ANO4: variants seen among roughly 807,000 people sequenced by gnomAD.
ANO4 encodes anoctamin 4.
ANO4 carries 69 observed loss-of-function variants against 141.9 expected under a neutral mutation model. The ratio of observed to expected loss-of-function variants is 0.49; its 90% confidence interval spans 0.40 to 0.59. The LOEUF (loss-of-function observed/expected upper bound fraction) is 0.59, where lower values mean the gene tolerates loss of function less well. Ranked by LOEUF, ANO4 falls within the 20% of genes least tolerant of loss-of-function variation. The pLI, the probability that ANO4 is intolerant of heterozygous loss-of-function variation, is 0.00. For missense variants in ANO4, 894 were observed against 1,162.2 expected (o/e 0.77, Z 3.36); for synonymous variants, 350 against 394.3 (o/e 0.89, Z 1.33).
At chr12:101,052,957 C>G (rs2047934342) in intron 14 of ANO4, among the ~76,000 whole-genome samples, 1 of 152,194 alleles carries the variant, frequency 6.6e-6, no homozygotes, top group Non-Finnish European at 1.5e-5. Flanking sequence ...AAACTTTAAA[C>G]CAGATCTGGT....
At position 101,099,623 on chromosome 12, in the gene ANO4, T is replaced by C. The variant is rs759730288; in HGVS notation, c.2052T>C (p.His684=). ...WWTRRKVRQE[H]GPERKISFPQ... Reference sequence around the variant, plus strand: ...CTAGAAGAAAAGTACGACAAGAACATGGACCTGAAAGGAAAATAAGTTTCC... The same window carrying C: ...CTAGAAGAAAAGTACGACAAGAACACGGACCTGAAAGGAAAATAAGTTTCC... Residue 684 remains histidine (H), a synonymous_variant, in exon 22 of 28, where the codon CAT becomes CAC. Coordinates refer to ENST00000392977, the MANE Select transcript of ANO4 (RefSeq NM_001286615.2). 6.2e-7 allele frequency: 1 copy of C among 1,611,710 alleles called. No individual in the cohort carries two copies. The highest frequency in any genetic ancestry group is 8.5e-7 in the Non-Finnish European group (1 of 1,179,272).
chr12:101,077,716 GA>G (rs1471255995), intron 14 of ANO4, among the ~76,000 whole-genome samples: 1 of 152,046 alleles, frequency 6.6e-6, no homozygotes, highest in African/African-American at 2.4e-5. Context: ...TTTAATACAT[GA>G]AAAGTCTCAC....
chr12:100,886,915 A>G (rs2039861644), intron 1 of ANO4, among the ~76,000 whole-genome samples: 1 of 152,176 alleles, frequency 6.6e-6, no homozygotes, highest in Non-Finnish European at 1.5e-5. Flanking sequence ...CTTCTGCACA[A>G]CTTTTTTCCT....
intron 17 of ANO4, among the ~76,000 whole-genome samples, chr12:101,087,219 G>A (rs2049541780): frequency 6.6e-6 from 1 of 152,110 alleles, no homozygotes; most frequent in African/African-American, 2.4e-5. Context: ...AAGATAGACA[G>A]TATCCAAAGC....
At chr12:100,938,041 T>TG (rs1312778825) in intron 3 of ANO4, among the ~76,000 whole-genome samples, 13 of 152,190 alleles carry the variant, frequency 8.5e-5, no homozygotes, top group South Asian at 6.2e-4. Context: ...AGATCACCTT[T>TG]GGGGGGGTCA....
intron 2 of ANO4, among the ~76,000 whole-genome samples, chr12:100,921,255 A>G (rs2041618900): frequency 6.6e-6 from 1 of 152,128 alleles, no homozygotes; most frequent in South Asian, 2.1e-4. Context: ...ATATTAAGTT[A>G]CCTTCAGGTG....
chr12:101,102,754 A>G (rs978828760), intron 22 of ANO4, among the ~76,000 whole-genome samples: 5 of 152,146 alleles, frequency 3.3e-5, no homozygotes, highest in Non-Finnish European at 7.4e-5. Flanking sequence ...TCTAATTTCT[A>G]TAAAAATCTT....
intron 1 of ANO4, among the ~76,000 whole-genome samples, chr12:100,873,506 C>T (rs888624373): frequency 6.6e-6 from 1 of 152,136 alleles, no homozygotes; most frequent in African/African-American, 2.4e-5. Flanking sequence ...GTATCATGCC[C>T]CTGCCCTAGA....
intron 9 of ANO4, among the ~76,000 whole-genome samples, chr12:101,020,533 G>T (rs1314471006): frequency 3.3e-5 from 5 of 152,188 alleles, no homozygotes; most frequent in African/African-American, 1.2e-4. Flanking sequence ...GAGATAGGCT[G>T]GTAAAAGGTG....
chr12:100,982,037 T>A (rs1269548723), intron 7 of ANO4, among the ~76,000 whole-genome samples: 1 of 152,150 alleles, frequency 6.6e-6, no homozygotes, highest in African/African-American at 2.4e-5. Context: ...GTACCCGGAA[T>A]CTCACCTATC....
At chr12:100,798,606 A>G (rs759144694) in intron 1 of ANO4, among the ~76,000 whole-genome samples, 8 of 152,240 alleles carry the variant, frequency 5.3e-5, no homozygotes, top group Non-Finnish European at 1.2e-4. Flanking sequence ...TCAGTAGCAT[A>G]ATAATCTATC....
intron 3 of ANO4, among the ~76,000 whole-genome samples, chr12:100,779,019 A>C (rs1279625127): frequency 1.3e-5 from 2 of 152,060 alleles, no homozygotes; most frequent in Admixed American, 6.5e-5. Flanking sequence ...TTTGTTTAAC[A>C]GTGAGCATGT....
intron 2 of ANO4, chr12:100,734,002 C>T (rs371064482): frequency 1.6e-5 from 9 of 571,454 alleles, no homozygotes; most frequent in Middle Eastern, 3.4e-4. Context: ...TGCTTGTGGA[C>T]TCACTTTTCT....
At chr12:100,771,203 G>A (rs536630871) in intron 3 of ANO4, among the ~76,000 whole-genome samples, 1 of 151,472 alleles carries the variant, frequency 6.6e-6, no homozygotes, top group Non-Finnish European at 1.5e-5. Flanking sequence ...AGGGTTTGAT[G>A]GGGGCCATGG....
chr12:100,969,958 G>A (rs900388360), intron 5 of ANO4, among the ~76,000 whole-genome samples: 11 of 152,154 alleles, frequency 7.2e-5, no homozygotes, highest in Non-Finnish European at 1.6e-4. Context: ...CTCCTAATTG[G>A]TTTTTCATGT....
At chr12:100,949,292 A>G (rs552981314) in intron 5 of ANO4, among the ~76,000 whole-genome samples, 1 of 152,354 alleles carries the variant, frequency 6.6e-6, no homozygotes, top group East Asian at 1.9e-4. Context: ...CCAAGCCTAT[A>G]GTAATTTATT....
At chr12:101,082,456 G>A (rs1056317716) in intron 15 of ANO4, among the ~76,000 whole-genome samples, 6 of 152,144 alleles carry the variant, frequency 3.9e-5, no homozygotes, top group Non-Finnish European at 8.8e-5. Context: ...CTTAGTTCTC[G>A]GATGACTAGC....
intron 21 of ANO4, among the ~76,000 whole-genome samples, chr12:101,098,838 T>C (rs1053658694): frequency 6.6e-6 from 1 of 152,212 alleles, no homozygotes; most frequent in African/African-American, 2.4e-5. Context: ...GTCTTTGATG[T>C]TCATTCCTTT....
chr12:100,992,541 C>T (rs536412500), intron 8 of ANO4, among the ~76,000 whole-genome samples: 33 of 152,342 alleles, frequency 2.2e-4, no homozygotes, highest in Middle Eastern at 3.4e-3. Context: ...TGACCCTCTC[C>T]TTCCCCACTA....
Sources: allele counts gnomAD v4.1 joint callset (sites outside exome capture counted in the v4.1 genomes callset), GRCh38; gene constraint gnomAD v4.1.1; transcripts MANE v1.5; gene names NCBI Gene and HGNC (gene_info 2026-07-23, HGNC 2026-07-21).